STXBP5: variants seen among roughly 807,000 people sequenced by gnomAD.
STXBP5 encodes the protein syntaxin-binding protein 5.
A neutral mutation model predicts 152.4 loss-of-function variants in STXBP5; 50 were observed. That is an observed-to-expected ratio of 0.33 (90% CI 0.26 to 0.42). STXBP5 has a LOEUF of 0.42. Ranked by LOEUF, STXBP5 falls within the 10% of genes least tolerant of loss-of-function variation. The probability of loss-of-function intolerance (pLI) is 1.00; values close to 1 mark genes in which losing one functional copy is unlikely to be tolerated. For missense variants in STXBP5, 1,167 were observed against 1,388.6 expected (o/e 0.84, Z 2.54); for synonymous variants, 492 against 494.7 (o/e 0.99, Z 0.07).
At chr6:147,366,747 T>C (rs1785308258) in intron 25 of STXBP5, among the ~76,000 whole-genome samples, 1 of 152,228 alleles carries the variant, frequency 6.6e-6, no homozygotes, top group Non-Finnish European at 1.5e-5. Flanking sequence ...CAGGTAATAT[T>C]TGTTGGTCCA....
chr6:147,345,602 G>C (rs1327197503), intron 21 of STXBP5, among the ~76,000 whole-genome samples: 1 of 151,942 alleles, frequency 6.6e-6, no homozygotes, highest in Non-Finnish European at 1.5e-5. Flanking sequence ...AAATCAACTT[G>C]CTTTTATGAC....
At position 147,363,733 on chromosome 6, in the gene STXBP5, G is replaced by A. The variant is rs765303329; in HGVS notation, c.2915+29G>A. On this transcript the variant is annotated intron_variant, in intron 24 of 27. Coordinates refer to ENST00000321680, the MANE Select transcript of STXBP5 (RefSeq NM_001127715.4). Reference sequence around the variant, plus strand: ...AGAGTTAGATATGTTTTAAAACACAGATATAGCATTTCCTCCCTCAAACTA... The same window carrying A: ...AGAGTTAGATATGTTTTAAAACACAAATATAGCATTTCCTCCCTCAAACTA... The A allele has an allele frequency of 1.9e-6, 3 of 1,566,312 alleles. No homozygotes were observed. The East Asian group carries it at 6.7e-5, about 35-fold the overall frequency.
At position 147,324,263 on chromosome 6, in the gene STXBP5, GGTT is replaced by G. The variant is rs1309467149; in HGVS notation, c.1803-695_1803-693del. 5.8e-3 allele frequency among the ~76,000 whole-genome samples: 493 copies of G among 84,876 alleles called. 1 individual carries two copies. Among genetic ancestry groups the G allele is most frequent in the African/African-American group, 0.021 (465 of 22,004 alleles). The allele number at this position is 84,876 out of a possible 152,430, so 55.7% of individuals were successfully genotyped here. On this transcript the variant is annotated intron_variant, in intron 16 of 27. Coordinates refer to ENST00000321680, the MANE Select transcript of STXBP5 (RefSeq NM_001127715.4). ...TTTAAGTTTTGTGGGGTTTTTTTTT[GGTT>G]TTTTTTTTTTTTTTTTTTTTTTTGA...
chr6:147,246,180 A>G (rs1778800961), intron 4 of STXBP5, among the ~76,000 whole-genome samples: 1 of 152,232 alleles, frequency 6.6e-6, no homozygotes, highest in Non-Finnish European at 1.5e-5. Flanking sequence ...TGTTCCATTT[A>G]GCTTAATACC....
chr6:147,365,602 G>A (rs922467770), intron 25 of STXBP5, among the ~76,000 whole-genome samples: 4 of 152,068 alleles, frequency 2.6e-5, no homozygotes, highest in Admixed American at 6.5e-5. Context: ...TAAACTATCT[G>A]CTATGTGCCT....
intron 21 of STXBP5, among the ~76,000 whole-genome samples, chr6:147,343,757 C>T (rs773428334): frequency 5.3e-5 from 8 of 152,116 alleles, no homozygotes; most frequent in South Asian, 4.1e-4. Flanking sequence ...TATATTAAGT[C>T]GTATTTTAAG....
chr6:147,247,511 A>C (rs1778868620), intron 4 of STXBP5, among the ~76,000 whole-genome samples: 2 of 152,178 alleles, frequency 1.3e-5, no homozygotes, highest in South Asian at 4.1e-4. Context: ...ATAAAAGAAA[A>C]ATTCTCTTAA....
intron 22 of STXBP5, among the ~76,000 whole-genome samples, chr6:147,357,192 A>C (rs1450271964): frequency 2.0e-5 from 3 of 152,096 alleles, no homozygotes; most frequent in Non-Finnish European, 2.9e-5. Context: ...AGAGGGAGAG[A>C]AACTATATAG....
intron 8 of STXBP5, among the ~76,000 whole-genome samples, chr6:147,283,201 G>A (rs1479006562): frequency 6.6e-6 from 1 of 152,124 alleles, no homozygotes. Flanking sequence ...AGTAAACCAA[G>A]ATTGGGGAAC....
intron 25 of STXBP5, among the ~76,000 whole-genome samples, chr6:147,372,406 CCTTTTTTTTTTTTT>C (rs1785590137): frequency 5.1e-5 from 2 of 39,108 alleles, no homozygotes; most frequent in Admixed American, 3.6e-4. Context: ...CCGTCCTTTT[CCTTTTTTTTTTTTT>C]TTTTTTTTTT....
intron 26 of STXBP5, among the ~76,000 whole-genome samples, chr6:147,375,918 A>G (rs1437929381): frequency 3.3e-5 from 5 of 152,130 alleles, no homozygotes; most frequent in Admixed American, 6.5e-5. Flanking sequence ...TATTTAATCC[A>G]TAATTCTATA....
intron 23 of STXBP5, among the ~76,000 whole-genome samples, chr6:147,360,664 C>T (rs1179042634): frequency 2.6e-5 from 4 of 151,996 alleles, no homozygotes; most frequent in African/African-American, 2.4e-5. Context: ...AGTGTGAAAC[C>T]TGAGATTATT....
At chr6:147,313,298 T>C (rs1001582039) in intron 11 of STXBP5, among the ~76,000 whole-genome samples, 2 of 152,226 alleles carry the variant, frequency 1.3e-5, no homozygotes, top group Admixed American at 6.5e-5. Context: ...AAATATTTTA[T>C]ATTTAGATAG....
intron 7 of STXBP5, among the ~76,000 whole-genome samples, chr6:147,275,412 G>GT (rs1310885152): frequency 1.3e-5 from 2 of 151,394 alleles, no homozygotes; most frequent in African/African-American, 4.9e-5. Context: ...GATTCATCTT[G>GT]TCCTCCATGG....
chr6:147,264,553 T>C (rs903233362), intron 6 of STXBP5, among the ~76,000 whole-genome samples: 1 of 152,148 alleles, frequency 6.6e-6, no homozygotes, highest in African/African-American at 2.4e-5. Context: ...TCTGTTATGC[T>C]AAGCTTTCTT....
chr6:147,306,894 T>C (rs1374828764), intron 9 of STXBP5, among the ~76,000 whole-genome samples: 2 of 152,212 alleles, frequency 1.3e-5, no homozygotes, highest in African/African-American at 4.8e-5. Context: ...CTTGTATTGA[T>C]CTTCATAATA....
At chr6:147,228,928 A>G (rs1777863420) in intron 2 of STXBP5, among the ~76,000 whole-genome samples, 1 of 152,124 alleles carries the variant, frequency 6.6e-6, no homozygotes, top group Non-Finnish European at 1.5e-5. Context: ...ATGTATTTCT[A>G]AGACCATACT....
intron 25 of STXBP5, among the ~76,000 whole-genome samples, chr6:147,364,582 A>T (rs984243832): frequency 6.6e-6 from 1 of 152,232 alleles, no homozygotes; most frequent in African/African-American, 2.4e-5. Flanking sequence ...TTTACACAGA[A>T]GAAAAAAATG....
chr6:147,320,449 C>T (rs1015188834), intron 16 of STXBP5, among the ~76,000 whole-genome samples: 3 of 152,010 alleles, frequency 2.0e-5, no homozygotes, highest in African/African-American at 7.3e-5. Context: ...AGGGACTCTA[C>T]CATTCCTGGG....
Sources: gnomAD v4.1 joint callset for allele counts (sites outside exome capture counted in the v4.1 genomes callset) on GRCh38, gnomAD v4.1.1 for gene constraint, MANE v1.5 for transcripts, NCBI Gene and HGNC (gene_info 2026-07-23, HGNC 2026-07-21) for gene names.